Variants in NRG2 observed in about 807,000 individuals in gnomAD.
NRG2 encodes neuregulin 2, also known as pro-neuregulin-2, membrane-bound isoform.
NRG2 carries 27 observed loss-of-function variants against 73.9 expected under a neutral mutation model. The observed-to-expected ratio is 0.37, with a 90% CI of 0.27 to 0.50. NRG2 has a LOEUF of 0.50. Among genes scored for constraint, NRG2 ranks in the 20% least tolerant of loss-of-function variants. The pLI, the probability that NRG2 is intolerant of heterozygous loss-of-function variation, is 0.96. For synonymous variants in NRG2, 532 were observed against 541.0 expected (o/e 0.98, Z 0.23); for missense variants, 1,126 against 1,210.1 (o/e 0.93, Z 1.03).
chr5:139,892,760 G>A (rs1764293281), intron 1 of NRG2, among the ~76,000 whole-genome samples: 1 of 152,154 alleles, frequency 6.6e-6, no homozygotes, highest in Non-Finnish European at 1.5e-5. Context: ...GCAATGCAGT[G>A]GGCAGGCATT....
Position 139,904,170 on chromosome 5 carries a change from A to G in NRG2, c.701-16659T>C. 1 of 830,744 alleles carries G rather than the reference A, an allele frequency of 1.2e-6. No homozygotes were observed. The highest frequency in any genetic ancestry group is 3.4e-5 in the East Asian group (1 of 29,490). The allele number at this position is 830,744 out of a possible 1,614,324, so 51.5% of individuals were successfully genotyped here. Reference sequence around the variant, plus strand: ...CGCGACGACCCGCTCGCACGCAGGCACGCGCGCCCTCGGTGCCTGTCACCG... The same window carrying G: ...CGCGACGACCCGCTCGCACGCAGGCGCGCGCGCCCTCGGTGCCTGTCACCG... On this transcript the variant is annotated intron_variant, in intron 1 of 9. Coordinates refer to ENST00000361474, the MANE Select transcript of NRG2 (RefSeq NM_004883.3). The surrounding 1 kb of genome is among the most constrained non-coding windows in gnomAD (Gnocchi z 6.0).
intron 1 of NRG2, among the ~76,000 whole-genome samples, chr5:140,040,546 C>A (rs1561772621): frequency 6.6e-6 from 1 of 152,166 alleles, no homozygotes; most frequent in South Asian, 2.1e-4. Flanking sequence ...AAGCCAGTTA[C>A]TCTATGGGGT....
chr5:139,985,455 G>T (rs908278360), intron 1 of NRG2, among the ~76,000 whole-genome samples: 2 of 151,972 alleles, frequency 1.3e-5, no homozygotes, highest in Admixed American at 1.3e-4. Context: ...CTGACTTCCT[G>T]GGGAAGCCCA....
chr5:139,994,886 T>C (rs1228414384), intron 1 of NRG2, among the ~76,000 whole-genome samples: 1 of 152,048 alleles, frequency 6.6e-6, no homozygotes, highest in Non-Finnish European at 1.5e-5. Context: ...AATGAAAGGA[T>C]GGATTGGCTC....
At chr5:139,978,074 A>G (rs1465399180) in intron 1 of NRG2, among the ~76,000 whole-genome samples, 1 of 152,230 alleles carries the variant, frequency 6.6e-6, no homozygotes, top group African/African-American at 2.4e-5. Context: ...CAATGGCAAC[A>G]AAAGCCAAAA....
intron 1 of NRG2, among the ~76,000 whole-genome samples, chr5:139,955,805 G>A (rs1754581195): frequency 6.6e-6 from 1 of 152,120 alleles, no homozygotes; most frequent in African/African-American, 2.4e-5. Flanking sequence ...AAAGTGGGAG[G>A]GCCATGAAGT....
intron 1 of NRG2, among the ~76,000 whole-genome samples, chr5:139,943,433 C>A (rs963117587): frequency 2.0e-5 from 3 of 152,186 alleles, no homozygotes; most frequent in African/African-American, 7.2e-5. Flanking sequence ...CAGGCATGAG[C>A]CACCATGCCC....
At chr5:139,913,280 A>G (rs1750990635) in intron 1 of NRG2, among the ~76,000 whole-genome samples, 1 of 152,118 alleles carries the variant, frequency 6.6e-6, no homozygotes. Flanking sequence ...TCCGTTTCTT[A>G]TACCCTGCCC....
intron 1 of NRG2, among the ~76,000 whole-genome samples, chr5:140,009,443 A>C (rs1414915299): frequency 6.6e-6 from 1 of 152,242 alleles, no homozygotes; most frequent in Admixed American, 6.5e-5. Flanking sequence ...GACAATTATG[A>C]ATAAAGCTTC....
intron 1 of NRG2, among the ~76,000 whole-genome samples, chr5:140,036,213 C>G (rs1183524533): frequency 6.6e-6 from 1 of 152,228 alleles, no homozygotes; most frequent in East Asian, 1.9e-4. Context: ...ACTCTCCCAA[C>G]TAGCCAGAGA....
In NRG2 at chr5:139,900,096, G is replaced by T. The variant is rs1025816373; in HGVS notation, c.701-12585C>A. Among the ~76,000 whole-genome samples, 4 of 152,068 alleles carry T rather than the reference G, an allele frequency of 2.6e-5. No individual in the cohort carries two copies. The East Asian group carries it at 7.7e-4, about 29-fold the overall frequency. The stretch of plus-strand genomic sequence containing the variant: ...TCTAAGAAGTCCCTTTTCTTTCCCT[G>T]GTAAGTTCCTATTCACCATCCAGGC... On this transcript the variant is annotated intron_variant, in intron 1 of 9. Coordinates refer to ENST00000361474, the MANE Select transcript of NRG2 (RefSeq NM_004883.3).
rs902307564 is a variant in NRG2 at position 140,027,597 on chromosome 5, T to C, written c.700+14773A>G. Among the ~76,000 whole-genome samples, 36 of 152,244 alleles carry C rather than the reference T, an allele frequency of 2.4e-4. 1 individual carries two copies. On this transcript the variant is annotated intron_variant, in intron 1 of 9. Transcript: ENST00000361474. ...CATTCACATAACTTTTATTACAGTA[T>C]ATATTGTTATAATTGTTCTGTTATT...
At position 139,847,934 on chromosome 5, in the gene NRG2, C is replaced by G; in HGVS notation, c.2536G>C (p.Asp846His). 2 of 1,495,818 alleles carry G rather than the reference C, an allele frequency of 1.3e-6. No homozygotes were observed. The highest frequency in any genetic ancestry group is 8.9e-7 in the Non-Finnish European group (1 of 1,128,424). The allele number at this position is 1,495,818 out of a possible 1,614,324, so 92.7% of individuals were successfully genotyped here. ...SRGPPPRAKQDSAPL is the reference protein window; with the variant it reads ...SRGPPPRAKQHSAPL ...GCGGGGCCCTAGAGTGGCGCCGAGT[C>G]CTGCTTGGCCCGCGGGGGCGGCCCG... The change falls in exon 10 of 10, where the codon GAC (aspartate) becomes CAC (histidine). Residue 846 changes from aspartate to histidine, a missense_variant. This residue lies in a region of NRG2 where 402 missense variants were observed against 357.8 expected (regional missense o/e 1.12). Coordinates refer to ENST00000361474, the MANE Select transcript of NRG2 (RefSeq NM_004883.3).
At chr5:139,969,073 A>G (rs1755791488) in intron 1 of NRG2, among the ~76,000 whole-genome samples, 2 of 152,244 alleles carry the variant, frequency 1.3e-5, no homozygotes, top group South Asian at 4.1e-4. Context: ...AGCCTAGAAC[A>G]TGAAGGATAT....
chr5:139,893,380 T>C (rs1320022029), intron 1 of NRG2, among the ~76,000 whole-genome samples: 1 of 152,256 alleles, frequency 6.6e-6, no homozygotes, highest in East Asian at 1.9e-4. Flanking sequence ...TATTTTCTCA[T>C]GCAGAAAGGG....
chr5:139,940,737 TAAC>T (rs1185738529), intron 1 of NRG2, among the ~76,000 whole-genome samples: 1 of 152,140 alleles, frequency 6.6e-6, no homozygotes, highest in Non-Finnish European at 1.5e-5. Context: ...CAAGAAAATA[TAAC>T]AGTGGTAGCC....
chr5:139,865,595 A>G lies in NRG2; in HGVS notation c.1143T>C (p.Cys381=). The G allele has an allele frequency of 6.2e-7, 1 of 1,610,290 alleles. No individual in the cohort carries two copies. ...ACAATCGCAAAGGCAGTTTCTCCAAACATCTCTGTCCGAAGAATCCATTTG... is the reference window on the plus strand; with the variant it reads ...ACAATCGCAAAGGCAGTTTCTCCAAGCATCTCTGTCCGAAGAATCCATTTG... ...KCPNGFFGQR[C]LEKLPLRLYM... The change falls in exon 5 of 10, where the codon TGT becomes TGC. Residue 381 remains cysteine, a synonymous_variant. Transcript: ENST00000361474. The surrounding 1 kb of genome is among the most constrained non-coding windows in gnomAD (Gnocchi z 5.2).
intron 1 of NRG2, among the ~76,000 whole-genome samples, chr5:139,997,048 G>A (rs555856702): frequency 6.6e-6 from 1 of 152,100 alleles, no homozygotes; most frequent in Non-Finnish European, 1.5e-5. Flanking sequence ...AGGCTGAGGT[G>A]GGGGGATCAC....
At chr5:139,977,759 GA>G (rs1756485061) in intron 1 of NRG2, among the ~76,000 whole-genome samples, 1 of 152,102 alleles carries the variant, frequency 6.6e-6, no homozygotes, top group Non-Finnish European at 1.5e-5. Context: ...TAGACCAACG[GA>G]ACAGAACAGA....
Sources: gnomAD v4.1 joint callset for allele counts (sites outside exome capture counted in the v4.1 genomes callset) on GRCh38, gnomAD v4.1.1 for gene constraint, gnomAD v4.1.1 regional missense constraint, Gnocchi (gnomAD v3.1) non-coding constraint, MANE v1.5 for transcripts, NCBI Gene and HGNC (gene_info 2026-07-23, HGNC 2026-07-21) for gene names.